Variants in ELF5 observed in about 807,000 individuals in gnomAD.
ELF5 encodes the protein E74 like ETS transcription factor 5.
In ELF5, 31 loss-of-function variants were observed where a neutral mutation model predicts 38.2. The observed-to-expected ratio is 0.81, with a 90% CI of 0.61 to 1.10. The LOEUF is 1.10. Ranked by LOEUF, ELF5 falls within the 50% of genes least tolerant of loss-of-function variation. ELF5 has a pLI of 0.00. For missense variants in ELF5, 300 were observed against 306.6 expected, an observed-to-expected ratio of 0.98 and a Z score of 0.16; for synonymous variants, 121 against 112.5, an observed-to-expected ratio of 1.08 and a Z score of -0.48.
At chr11:34,501,001 T>A (rs1227625100) in intron 2 of ELF5, among the ~76,000 whole-genome samples, 2 of 152,220 alleles carry the variant, frequency 1.3e-5, no homozygotes, top group Non-Finnish European at 2.9e-5. Context: ...TTTCTCATGT[T>A]GTCCCTAACA....
At chr11:34,509,094 C>T (rs969536941) in intron 1 of ELF5, among the ~76,000 whole-genome samples, 1 of 152,134 alleles carries the variant, frequency 6.6e-6, no homozygotes, top group African/African-American at 2.4e-5. Flanking sequence ...CTTTGGAAGG[C>T]CAAGGTGGGC....
At chr11:34,491,589 T>G (rs1455811411) in intron 3 of ELF5, 1 of 151,970 alleles carries the variant, frequency 6.6e-6, no homozygotes, top group Non-Finnish European at 1.5e-5. Flanking sequence ...TGTTTTTTTT[T>G]TTTTTTTCAG....
intron 4 of ELF5, 51 bp from the exon 5 acceptor site, chr11:34,482,550 A>G (rs1856966515): frequency 6.8e-7 from 1 of 1,463,174 alleles, no homozygotes; most frequent in African/African-American, 1.4e-5. Flanking sequence ...GGCCACATTC[A>G]GACCTCAAGT....
chr11:34,493,686 G>A lies in ELF5; in HGVS notation c.148C>T (p.His50Tyr). Residue 50 changes from histidine (H) to tyrosine (Y), a missense_variant, in exon 3 of 7, where the codon CAC becomes TAC. Transcript: ENST00000257832. Reference sequence around the variant, plus strand: ...TGGCGCTTAGTCCAGTATTCAGGGTGGACTGATGTCCAGTATGAGTCACAG... The same window carrying A: ...TGGCGCTTAGTCCAGTATTCAGGGTAGACTGATGTCCAGTATGAGTCACAG... ...TACDSYWTSV[H>Y]PEYWTKRHVW... 6.2e-7 allele frequency: 1 copy of A among 1,614,152 alleles called. No homozygotes were observed. The highest frequency in any genetic ancestry group is 8.5e-7 in the Non-Finnish European group (1 of 1,180,004).
chr11:34,505,564 C>T lies in ELF5; in HGVS notation c.121+65G>A, dbSNP rs568743163. 2.5e-6 allele frequency: 4 copies of T among 1,602,728 alleles called. No homozygotes were observed. In the South Asian group the frequency reaches 4.5e-5, roughly 18 times the overall value. On this transcript the variant is annotated intron_variant, in intron 2 of 6. Transcript: ENST00000257832. ...CACAGCTTTGTCTTCCACCTGCGGCCAGCACCACCTCCTGCCCTAGCCCAT... is the reference window on the plus strand; with the variant it reads ...CACAGCTTTGTCTTCCACCTGCGGCTAGCACCACCTCCTGCCCTAGCCCAT...
At chr11:34,504,873 G>A (rs772196170) in intron 2 of ELF5, among the ~76,000 whole-genome samples, 5 of 152,166 alleles carry the variant, frequency 3.3e-5, no homozygotes, top group Non-Finnish European at 5.9e-5. Context: ...AGGGAGGGTG[G>A]GGAAGGAGGC....
chr11:34,484,175 G>C (rs1166281394), intron 4 of ELF5, among the ~76,000 whole-genome samples: 1 of 147,572 alleles, frequency 6.8e-6, no homozygotes, highest in African/African-American at 2.5e-5. Flanking sequence ...ATACTGTACT[G>C]TGCTATACTA....
At chr11:34,493,162 C>T in intron 3 of ELF5, 3 of 503,532 alleles carry the variant, frequency 6.0e-6, no homozygotes, top group African/African-American at 1.9e-5. Context: ...CTTTTTTGTC[C>T]ATCCTGTGTG....
At chr11:34,505,007 A>G (rs1465608854) in intron 2 of ELF5, among the ~76,000 whole-genome samples, 1 of 152,204 alleles carries the variant, frequency 6.6e-6, no homozygotes, top group Non-Finnish European at 1.5e-5. Context: ...GGGAAAAAGA[A>G]ATAGAAGCTC....
intron 2 of ELF5, among the ~76,000 whole-genome samples, chr11:34,499,752 G>C (rs1046128155): frequency 3.8e-4 from 58 of 152,250 alleles, no homozygotes; most frequent in African/African-American, 1.4e-3. Flanking sequence ...TCCAATTCTT[G>C]TTCCCAGCCA....
chr11:34,504,896 G>T (rs773260466), intron 2 of ELF5, among the ~76,000 whole-genome samples: 1 of 152,192 alleles, frequency 6.6e-6, no homozygotes, highest in African/African-American at 2.4e-5. Flanking sequence ...GGGGAACAGT[G>T]AGGGGCTCAT....
At chr11:34,493,809 T>C (rs1326526421) in intron 2 of ELF5, 97 bp from the exon 3 acceptor site, 1 of 1,069,416 alleles carries the variant, frequency 9.4e-7, no homozygotes, top group Non-Finnish European at 1.4e-6. Context: ...TCCTCATTCC[T>C]CAGCCAATAA....
chr11:34,483,247 C>T (rs1417438224), intron 4 of ELF5, among the ~76,000 whole-genome samples: 1 of 151,986 alleles, frequency 6.6e-6, no homozygotes, highest in African/African-American at 2.4e-5. Flanking sequence ...AGTGAGGTCT[C>T]CTCTGACCAC....
intron 2 of ELF5, among the ~76,000 whole-genome samples, chr11:34,501,848 T>C (rs901402838): frequency 2.0e-5 from 3 of 152,276 alleles, no homozygotes; most frequent in African/African-American, 7.2e-5. Context: ...CTGGTTTTCC[T>C]AAATAGGCTG....
intron 4 of ELF5, among the ~76,000 whole-genome samples, chr11:34,484,350 T>C (rs1857017914): frequency 6.6e-6 from 1 of 151,628 alleles, no homozygotes; most frequent in South Asian, 2.1e-4. Flanking sequence ...CATACTGTAC[T>C]ATATGAACTA....
At chr11:34,511,615 T>C (rs1473711697) in intron 1 of ELF5, 1 of 1,613,574 alleles carries the variant, frequency 6.2e-7, no homozygotes, top group East Asian at 2.2e-5. Flanking sequence ...TGAACCCTTC[T>C]CAGAGCTGGC....
At chr11:34,480,563 A>G (rs1856913480) in intron 6 of ELF5, among the ~76,000 whole-genome samples, 1 of 152,164 alleles carries the variant, frequency 6.6e-6, no homozygotes, top group South Asian at 2.1e-4. Context: ...CTGGATTCAG[A>G]GTGATCCCTG....
At chr11:34,499,274 C>T (rs1406801285) in intron 2 of ELF5, among the ~76,000 whole-genome samples, 2 of 152,124 alleles carry the variant, frequency 1.3e-5, no homozygotes, top group Non-Finnish European at 2.9e-5. Flanking sequence ...CAGGGTCTCA[C>T]TCTGTCATCC....
intron 3 of ELF5, among the ~76,000 whole-genome samples, chr11:34,491,368 T>C (rs1850166505): frequency 6.6e-6 from 1 of 152,100 alleles, no homozygotes; most frequent in African/African-American, 2.4e-5. Flanking sequence ...ATGGAGTAGA[T>C]TGGTGGAGTA....
Sources: allele counts gnomAD v4.1 joint callset (sites outside exome capture counted in the v4.1 genomes callset), GRCh38; gene constraint gnomAD v4.1.1; transcripts MANE v1.5; gene names NCBI Gene and HGNC (gene_info 2026-07-23, HGNC 2026-07-21).